PLD5: variants seen among roughly 807,000 people sequenced by gnomAD.
The protein encoded by PLD5 is inactive phospholipase D5.
In PLD5, 36 loss-of-function variants were observed where a neutral mutation model predicts 61.1. The observed-to-expected ratio is 0.59, with a 90% CI of 0.45 to 0.78. The LOEUF (loss-of-function observed/expected upper bound fraction) is 0.78. Ranked by LOEUF, PLD5 falls within the 30% of genes least tolerant of loss-of-function variation. The probability of loss-of-function intolerance (pLI) is 0.00; values close to 1 mark genes in which losing one functional copy is unlikely to be tolerated. For synonymous variants in PLD5, 243 were observed against 242.8 expected (o/e 1.00, Z -0.01); for missense variants, 515 against 644.4 (o/e 0.80, Z 2.17).
chr1:242,171,030 T>C (rs1310760476), intron 5 of PLD5, among the ~76,000 whole-genome samples: 1 of 151,854 alleles, frequency 6.6e-6, no homozygotes, highest in Non-Finnish European at 1.5e-5. Flanking sequence ...ATTTAGGAAA[T>C]ACAGAGAACA....
chr1:242,507,386 C>T (rs1270417017), intron 1 of PLD5, among the ~76,000 whole-genome samples: 1 of 152,152 alleles, frequency 6.6e-6, no homozygotes, highest in Non-Finnish European at 1.5e-5. Context: ...CAAGCCTCTA[C>T]ATTTCAATAG....
intron 1 of PLD5, among the ~76,000 whole-genome samples, chr1:242,350,192 C>G (rs1196667803): frequency 6.6e-6 from 1 of 152,078 alleles, no homozygotes; most frequent in East Asian, 1.9e-4. Flanking sequence ...ATTTCCCAGC[C>G]TCCAAAACTG....
At chr1:242,163,446 C>T (rs533834306) in intron 5 of PLD5, among the ~76,000 whole-genome samples, 1 of 152,190 alleles carries the variant, frequency 6.6e-6, no homozygotes, top group Non-Finnish European at 1.5e-5. Context: ...CCCAGCTTCC[C>T]TCAAGTCTTA....
At chr1:242,430,964 T>C (rs2810022) in intron 1 of PLD5, among the ~76,000 whole-genome samples, 51,510 of 152,010 alleles carry the variant, frequency 0.34, 9,111 homozygotes, top group Middle Eastern at 0.47. Context: ...CTGTCTGCTT[T>C]GGGAGGCAGG....
intron 1 of PLD5, among the ~76,000 whole-genome samples, chr1:242,489,308 G>A (rs139027068): frequency 0.016 from 2,503 of 151,824 alleles, 20 homozygotes; most frequent in Non-Finnish European, 0.025. Context: ...TATGAATTAT[G>A]ACATTTTTCA....
In PLD5 at chr1:242,468,378, T is replaced by C. The variant is rs189678470; in HGVS notation, c.189+55710A>G. On this transcript the variant is annotated intron_variant, in intron 1 of 9. Coordinates refer to ENST00000536534, the MANE Select transcript of PLD5 (RefSeq NM_001372062.1). ...CGTAAATTATCCTTATTTTTTTCAT[T>C]GCAAAGTGAGATAAGCTTGTAGTAA... is the stretch of plus-strand genomic sequence containing the variant. 3.9e-5 allele frequency among the ~76,000 whole-genome samples: 6 copies of C among 152,310 alleles called. No individual in the cohort carries two copies. In the East Asian group the frequency reaches 1.2e-3, roughly 29 times the overall value.
chr1:242,342,943 AAAAC>A (rs1259795674), intron 2 of PLD5, among the ~76,000 whole-genome samples: 1 of 152,232 alleles, frequency 6.6e-6, no homozygotes, highest in Non-Finnish European at 1.5e-5. Flanking sequence ...GGGAAGAAAT[AAAAC>A]AAGACAAAAA....
chr1:242,269,225 T>TA (rs1296717877), intron 3 of PLD5, among the ~76,000 whole-genome samples: 2 of 152,160 alleles, frequency 1.3e-5, no homozygotes, highest in African/African-American at 4.8e-5. Flanking sequence ...CCCTTTCTAG[T>TA]AAAGAACATT....
intron 5 of PLD5, among the ~76,000 whole-genome samples, chr1:242,213,390 A>C (rs1024538596): frequency 6.6e-6 from 1 of 152,190 alleles, no homozygotes; most frequent in East Asian, 1.9e-4. Flanking sequence ...CAGCCCCAAC[A>C]GAACTAATGC....
chr1:242,284,074 G>C (rs1201711099), intron 3 of PLD5, among the ~76,000 whole-genome samples: 1 of 149,094 alleles, frequency 6.7e-6, no homozygotes, highest in Non-Finnish European at 1.5e-5. Flanking sequence ...CAGTGAGAGG[G>C]GGAAAGGAGG....
At chr1:242,501,790 T>TTTTATATA (rs770416059) in intron 1 of PLD5, among the ~76,000 whole-genome samples, 7,149 of 147,156 alleles carry the variant, frequency 0.049, 210 homozygotes, top group Middle Eastern at 0.096. Flanking sequence ...TAATATTCCA[T>TTTTATATA]TATATATATA....
At chr1:242,111,055 G>GT (rs939301891) in intron 7 of PLD5, among the ~76,000 whole-genome samples, 1 of 129,938 alleles carries the variant, frequency 7.7e-6, no homozygotes, top group Non-Finnish European at 1.6e-5. Flanking sequence ...TAGGGCTTCT[G>GT]AATTTTTTTT....
intron 5 of PLD5, among the ~76,000 whole-genome samples, chr1:242,179,152 T>C (rs540489092): frequency 6.6e-6 from 1 of 152,272 alleles, no homozygotes; most frequent in African/African-American, 2.4e-5. Flanking sequence ...TTACCTTCTC[T>C]CCTGGAGACT....
At position 242,264,519 on chromosome 1, in the gene PLD5, T is replaced by C. The variant is rs557410128; in HGVS notation, c.607+818A>G. 2.0e-5 allele frequency among the ~76,000 whole-genome samples: 3 copies of C among 152,220 alleles called. No individual in the cohort carries two copies. The South Asian group carries it at 6.2e-4, about 32-fold the overall frequency. The stretch of plus-strand genomic sequence containing the variant: ...CTTAGAAGGAATTGCCACTTAAAAA[T>C]GTGGGGAAGACGACAAGCAAAAAAG... On this transcript the variant is annotated intron_variant, in intron 4 of 9. Transcript: ENST00000536534.
intron 5 of PLD5, among the ~76,000 whole-genome samples, chr1:242,171,520 G>C (rs1336452937): frequency 6.6e-6 from 1 of 152,058 alleles, no homozygotes; most frequent in Admixed American, 6.6e-5. Context: ...CACAATGACA[G>C]GATCAAATTC....
At chr1:242,155,622 A>C (rs2148828060) in intron 5 of PLD5, among the ~76,000 whole-genome samples, 1 of 152,278 alleles carries the variant, frequency 6.6e-6, no homozygotes, top group Middle Eastern at 3.4e-3. Flanking sequence ...GTAGTCACTC[A>C]GGAGCAGGTT....
intron 5 of PLD5, among the ~76,000 whole-genome samples, chr1:242,160,932 A>G (rs1665774992): frequency 6.6e-6 from 1 of 151,884 alleles, no homozygotes; most frequent in Non-Finnish European, 1.5e-5. Context: ...AAGTGTAAAC[A>G]GGAGATTATA....
chr1:242,517,459 T>C (rs1049680857), intron 1 of PLD5, among the ~76,000 whole-genome samples: 11 of 152,362 alleles, frequency 7.2e-5, no homozygotes, highest in Non-Finnish European at 1.5e-4. Flanking sequence ...CTTACTCTTT[T>C]ATCCTATTAA....
chr1:242,309,322 GAAC>G (rs112422963), intron 2 of PLD5, among the ~76,000 whole-genome samples: 130,147 of 151,346 alleles, frequency 0.86, 56,495 homozygotes, highest in East Asian at 0.94. Context: ...CAACAAAACA[GAAC>G]AACAACAACA....
Sources: allele counts gnomAD v4.1 joint callset (sites outside exome capture counted in the v4.1 genomes callset), GRCh38; gene constraint gnomAD v4.1.1; transcripts MANE v1.5; gene names NCBI Gene and HGNC (gene_info 2026-07-23, HGNC 2026-07-21).